Variants in EYS observed in about 807,000 individuals in gnomAD.
The protein encoded by EYS is EGF-like photoreceptor maintenance factor, also known as protein eyes shut homolog.
A neutral mutation model predicts 282.1 loss-of-function variants in EYS; 250 were observed. The observed-to-expected ratio is 0.89, with a 90% confidence interval of 0.80 to 0.98. The LOEUF (loss-of-function observed/expected upper bound fraction) is 0.98. Among genes scored for constraint, EYS ranks in the 50% least tolerant of loss-of-function variants. EYS has a pLI of 0.00. For synonymous variants in EYS, 1,355 were observed against 1,282.9 expected (o/e 1.06, Z -1.20); for missense variants, 4,016 against 3,709.0 (o/e 1.08, Z -2.15).
chr6:65,364,805 T>C (rs1764852692), intron 8 of EYS, among the ~76,000 whole-genome samples: 1 of 151,694 alleles, frequency 6.6e-6, no homozygotes, highest in African/African-American at 2.4e-5. Flanking sequence ...TAGAATATTA[T>C]GGAGTTAGAA....
intron 35 of EYS, among the ~76,000 whole-genome samples, chr6:63,893,376 C>A (rs564924359): frequency 6.6e-6 from 1 of 152,098 alleles, no homozygotes; most frequent in Non-Finnish European, 1.5e-5. Context: ...TACATATACA[C>A]CATGGAATAC....
chr6:64,332,923 A>C (rs1770699917), intron 29 of EYS, among the ~76,000 whole-genome samples: 1 of 152,218 alleles, frequency 6.6e-6, no homozygotes, highest in African/African-American at 2.4e-5. Context: ...AAGGGTGCTT[A>C]TGCATAGTAT....
chr6:64,841,425 A>C (rs1765560103), intron 19 of EYS, among the ~76,000 whole-genome samples: 1 of 152,178 alleles, frequency 6.6e-6, no homozygotes, highest in African/African-American at 2.4e-5. Flanking sequence ...AAATAAGAAG[A>C]TTAGATCTGT....
chr6:64,171,115 G>A (rs1166880861), intron 31 of EYS, among the ~76,000 whole-genome samples: 2 of 151,956 alleles, frequency 1.3e-5, no homozygotes, highest in East Asian at 1.9e-4. Context: ...ATGATACAAA[G>A]CACATTTCTT....
In EYS at chr6:65,001,721, A is replaced by G. The variant is rs1274809049; in HGVS notation, c.2138-4018T>C. Among the ~76,000 whole-genome samples, 3 of 147,804 alleles carry G rather than the reference A, an allele frequency of 2.0e-5. 1 individual carries two copies. Among genetic ancestry groups the G allele is most frequent in the Non-Finnish European group, 4.5e-5 (3 of 66,034 alleles). ...CTATTAACTAGAATTCAGGAAGTTT[A>G]GCTTCCCAAACCATTTTATTTCAGA... On this transcript the variant is annotated intron_variant, in intron 13 of 42. Transcript: ENST00000503581.
intron 2 of EYS, among the ~76,000 whole-genome samples, chr6:65,578,466 G>A (rs192698428): frequency 4.8e-4 from 73 of 151,892 alleles, no homozygotes; most frequent in Middle Eastern, 3.4e-3. Context: ...TTCTTGGGAG[G>A]ATGTTGGTCA....
intron 33 of EYS, among the ~76,000 whole-genome samples, chr6:64,007,279 G>T (rs1768393174): frequency 6.6e-6 from 1 of 151,658 alleles, no homozygotes; most frequent in Non-Finnish European, 1.5e-5. Context: ...TAGTTTGTGT[G>T]CATAGTGGTG....
rs566753453 is a variant in EYS, at chr6:65,328,064, A to G, written c.1766+6916T>C. On this transcript the variant is annotated intron_variant, in intron 11 of 42. Coordinates refer to ENST00000503581, the MANE Select transcript of EYS (RefSeq NM_001142800.2). ...GCTTAGATATTCATATATAGGTTTTATACACACATTAACATATGCTGTGAC... is the reference window on the plus strand; with the variant it reads ...GCTTAGATATTCATATATAGGTTTTGTACACACATTAACATATGCTGTGAC... 2.6e-5 allele frequency among the ~76,000 whole-genome samples: 4 copies of G among 151,664 alleles called. No homozygotes were observed. In the South Asian group the frequency reaches 8.3e-4, roughly 31 times the overall value.
chr6:64,045,225 T>C (rs997414313), intron 33 of EYS, among the ~76,000 whole-genome samples: 1 of 151,134 alleles, frequency 6.6e-6, no homozygotes, highest in African/African-American at 2.4e-5. Context: ...AATTTTTACT[T>C]TTTTTTTAAT....
At chr6:63,913,770 ATGC>A (rs1231716739) in intron 35 of EYS, among the ~76,000 whole-genome samples, 1 of 152,214 alleles carries the variant, frequency 6.6e-6, no homozygotes, top group Non-Finnish European at 1.5e-5. Context: ...GTTATGAACA[ATGC>A]TGCTATGAAT....
chr6:64,087,509 A>G (rs1030888288), intron 31 of EYS, among the ~76,000 whole-genome samples: 3 of 152,108 alleles, frequency 2.0e-5, no homozygotes, highest in East Asian at 1.9e-4. Flanking sequence ...CCATAAGCCT[A>G]TCTCATCTAT....
chr6:65,057,775 T>G, intron 12 of EYS, 48 bp from the exon 13 acceptor site: 5 of 1,247,678 alleles, frequency 4.0e-6, no homozygotes, highest in Non-Finnish European at 5.7e-6. Flanking sequence ...AAGACAGGCA[T>G]GTATCAAGTC....
chr6:64,098,225 G>C (rs2150257088), intron 31 of EYS, among the ~76,000 whole-genome samples: 1 of 152,246 alleles, frequency 6.6e-6, no homozygotes, highest in Middle Eastern at 3.4e-3. Flanking sequence ...ATCCAGAATA[G>C]TATATTTTGT....
At chr6:64,264,974 A>G (rs1192911722) in intron 30 of EYS, among the ~76,000 whole-genome samples, 3 of 152,100 alleles carry the variant, frequency 2.0e-5, no homozygotes, top group Non-Finnish European at 4.4e-5. Context: ...TTACGGATTG[A>G]GGATATTTTA....
At chr6:64,294,051 G>A (rs1200085904) in intron 30 of EYS, among the ~76,000 whole-genome samples, 3 of 151,544 alleles carry the variant, frequency 2.0e-5, no homozygotes, top group Admixed American at 6.6e-5. Flanking sequence ...ACAAATGTAG[G>A]TGACTATAAA....
intron 2 of EYS, among the ~76,000 whole-genome samples, chr6:65,562,978 A>G (rs905083248): frequency 5.3e-5 from 8 of 152,082 alleles, no homozygotes; most frequent in Middle Eastern, 3.2e-3. Flanking sequence ...GCCTGAATAC[A>G]TTCTAAGCCA....
intron 26 of EYS, among the ~76,000 whole-genome samples, chr6:64,538,770 A>G (rs1340123932): frequency 6.6e-6 from 1 of 152,212 alleles, no homozygotes; most frequent in Non-Finnish European, 1.5e-5. Flanking sequence ...TGACCACATT[A>G]CAGATCTTTT....
chr6:64,773,151 G>C (rs551343950), intron 22 of EYS, among the ~76,000 whole-genome samples: 21 of 151,712 alleles, frequency 1.4e-4, no homozygotes, highest in Non-Finnish European at 2.8e-4. Flanking sequence ...CCCTCAAGTA[G>C]TCCCTGGTGT....
intron 35 of EYS, among the ~76,000 whole-genome samples, chr6:63,981,189 G>A (rs1767072719): frequency 6.6e-6 from 1 of 151,604 alleles, no homozygotes; most frequent in African/African-American, 2.4e-5. Flanking sequence ...TACATTTTCT[G>A]GTTCTCCTTT....
Sources: allele counts gnomAD v4.1 joint callset (sites outside exome capture counted in the v4.1 genomes callset), GRCh38; gene constraint gnomAD v4.1.1; transcripts MANE v1.5; gene names NCBI Gene and HGNC (gene_info 2026-07-23, HGNC 2026-07-21).